The following PSD3 variants were observed in gnomAD, a reference collection of about 807,000 sequenced individuals.
PSD3 encodes the protein pleckstrin and Sec7 domain containing 3.
In PSD3, 49 loss-of-function variants were observed where a neutral mutation model predicts 105.5. That is an observed-to-expected ratio of 0.46 (90% CI 0.37 to 0.59). The LOEUF (loss-of-function observed/expected upper bound fraction) is 0.59, where lower values mean the gene tolerates loss of function less well. Among genes scored for constraint, PSD3 ranks in the 20% least tolerant of loss-of-function variants. The pLI, the probability that PSD3 is intolerant of heterozygous loss-of-function variation, is 0.00. For missense variants in PSD3, 1,561 were observed against 1,263.8 expected, an observed-to-expected ratio of 1.24 and a Z score of -3.57; for synonymous variants, 557 against 457.8, an observed-to-expected ratio of 1.22 and a Z score of -2.77.
intron 2 of PSD3, among the ~76,000 whole-genome samples, chr8:18,897,694 T>C (rs1819242581): frequency 6.6e-6 from 1 of 152,218 alleles, no homozygotes; most frequent in Non-Finnish European, 1.5e-5. Flanking sequence ...CAGTGTTTTA[T>C]AGTTTTCCTT....
intron 12 of PSD3, among the ~76,000 whole-genome samples, chr8:18,597,090 C>G (rs1585343180): frequency 6.6e-6 from 1 of 151,768 alleles, no homozygotes; most frequent in East Asian, 1.9e-4. Flanking sequence ...AAACTGAATT[C>G]AACAGTACAT....
At chr8:18,543,724 G>T (rs185231995) in intron 15 of PSD3, among the ~76,000 whole-genome samples, 1 of 151,838 alleles carries the variant, frequency 6.6e-6, no homozygotes, top group Non-Finnish European at 1.5e-5. Context: ...AAAAATTATC[G>T]TGTCTAAGAC....
At chr8:18,684,205 C>T in intron 9 of PSD3, 1 of 990 alleles carries the variant, frequency 1.0e-3, no homozygotes, top group Middle Eastern at 0.17. Context: ...CTCTCTTTTC[C>T]ACACACACAC....
intron 1 of PSD3, among the ~76,000 whole-genome samples, chr8:19,042,939 G>C (rs1286782466): frequency 6.6e-6 from 1 of 152,154 alleles, no homozygotes; most frequent in African/African-American, 2.4e-5. Flanking sequence ...AATTGTACCA[G>C]TGAGCTGGCC....
intron 11 of PSD3, among the ~76,000 whole-genome samples, chr8:18,626,498 G>C (rs996404984): frequency 6.6e-6 from 1 of 152,042 alleles, no homozygotes; most frequent in Non-Finnish European, 1.5e-5. Context: ...TCTACTTTTT[G>C]TGTCCAAAAA....
chr8:18,742,969 C>A (rs1438200751), intron 9 of PSD3, among the ~76,000 whole-genome samples: 3 of 152,178 alleles, frequency 2.0e-5, no homozygotes, highest in Non-Finnish European at 4.4e-5. Context: ...AGGTCTCTTA[C>A]AATTTCCAAT....
At chr8:18,575,497 C>A (rs1585281634) in intron 12 of PSD3, among the ~76,000 whole-genome samples, 1 of 152,042 alleles carries the variant, frequency 6.6e-6, no homozygotes, top group Non-Finnish European at 1.5e-5. Context: ...TACATCTACC[C>A]AAGGCATTTT....
At chr8:18,641,642 T>C (rs1190713220) in intron 10 of PSD3, among the ~76,000 whole-genome samples, 1 of 152,166 alleles carries the variant, frequency 6.6e-6, no homozygotes, top group African/African-American at 2.4e-5. Flanking sequence ...TAGCATAAAA[T>C]TGGTACACTT....
At chr8:18,869,768 G>T (rs937002056) in intron 3 of PSD3, among the ~76,000 whole-genome samples, 1 of 152,024 alleles carries the variant, frequency 6.6e-6, no homozygotes, top group African/African-American at 2.4e-5. Flanking sequence ...ATTCTTGTAG[G>T]TCTCTGTTCT....
chr8:18,613,534 G>A (rs1180904289), intron 11 of PSD3, among the ~76,000 whole-genome samples: 1 of 150,830 alleles, frequency 6.6e-6, no homozygotes, highest in East Asian at 1.9e-4. Context: ...CGTGTGACAA[G>A]AACCCCGTTT....
chr8:19,042,091 T>C (rs543153363), intron 1 of PSD3, among the ~76,000 whole-genome samples: 2 of 152,200 alleles, frequency 1.3e-5, no homozygotes, highest in Non-Finnish European at 2.9e-5. Context: ...TGTGTTTATA[T>C]GGGAACAAAA....
At chr8:18,895,734 T>G (rs1450205012) in intron 2 of PSD3, among the ~76,000 whole-genome samples, 1 of 152,246 alleles carries the variant, frequency 6.6e-6, no homozygotes, top group Non-Finnish European at 1.5e-5. Flanking sequence ...ACATATATGA[T>G]GTGATATGAT....
chr8:18,872,155 T>C lies in PSD3; in HGVS notation c.709A>G (p.Arg237Gly), dbSNP rs200461260. 833 of 1,614,028 alleles carry C rather than the reference T, an allele frequency of 5.2e-4. 1 individual carries two copies. Among genetic ancestry groups the C allele is most frequent in the Non-Finnish European group, 6.6e-4 (780 of 1,180,020 alleles). ...AEISQIMNNG[R>G]KGAVCVQEPS... is the part of the protein sequence containing the mutation. ...TCCTGCACACAGACAGCCCCTTTCCTCCCATTATTCATTATCTGGGAAATC... is the reference window on the plus strand; with the variant it reads ...TCCTGCACACAGACAGCCCCTTTCCCCCCATTATTCATTATCTGGGAAATC... Residue 237 changes from arginine to glycine, a missense_variant, in exon 3 of 16, where the codon AGG becomes GGG. Physicochemically the swap from Arg to Gly is moderately radical, Grantham distance 125. Transcript: ENST00000327040.
intron 4 of PSD3, among the ~76,000 whole-genome samples, chr8:18,825,741 C>T (rs1024682632): frequency 6.6e-6 from 1 of 152,186 alleles, no homozygotes; most frequent in African/African-American, 2.4e-5. Flanking sequence ...TCTTCCCTAA[C>T]CTCCACACGC....
intron 4 of PSD3, among the ~76,000 whole-genome samples, chr8:18,859,993 C>T (rs1116016): frequency 0.25 from 37,472 of 152,140 alleles, 5,399 homozygotes; most frequent in African/African-American, 0.4. Flanking sequence ...TCAGCGTATT[C>T]TGGCTTTCAA....
chr8:18,827,848 C>T (rs1813326623), intron 4 of PSD3, among the ~76,000 whole-genome samples: 1 of 150,856 alleles, frequency 6.6e-6, no homozygotes, highest in African/African-American at 2.4e-5. Flanking sequence ...CTGACTTGAA[C>T]ACCTTGGTGA....
Position 18,662,064 on chromosome 8 carries a change from T to C in PSD3, c.2173-6379A>G, listed in dbSNP as rs143481572. 6.6e-5 allele frequency among the ~76,000 whole-genome samples: 10 copies of C among 152,208 alleles called. No individual in the cohort carries two copies. The East Asian group carries it at 1.5e-3, about 24-fold the overall frequency. On this transcript the variant is annotated intron_variant, in intron 9 of 15. Coordinates refer to ENST00000327040, the MANE Select transcript of PSD3 (RefSeq NM_015310.4). Reference sequence around the variant, plus strand: ...AACATGTAAACAGAGCTGAAATCTGTATCTCGGGCAATTAGTCTTATGTTG... The same window carrying C: ...AACATGTAAACAGAGCTGAAATCTGCATCTCGGGCAATTAGTCTTATGTTG...
At chr8:18,562,288 TC>T (rs1801442891) in intron 14 of PSD3, among the ~76,000 whole-genome samples, 1 of 152,314 alleles carries the variant, frequency 6.6e-6, no homozygotes, top group East Asian at 1.9e-4. Context: ...CTTTCTACCC[TC>T]TTTGTCTTAG....
intron 1 of PSD3, among the ~76,000 whole-genome samples, chr8:18,969,996 T>C (rs1264753011): frequency 6.6e-6 from 1 of 152,016 alleles, no homozygotes; most frequent in Non-Finnish European, 1.5e-5. Context: ...ATCTAGTTTT[T>C]TGAAGAAAGA....
Sources: gnomAD v4.1 joint callset for allele counts (sites outside exome capture counted in the v4.1 genomes callset) on GRCh38, gnomAD v4.1.1 for gene constraint, MANE v1.5 for transcripts, NCBI Gene and HGNC (gene_info 2026-07-23, HGNC 2026-07-21) for gene names.